The following INSYN2B variants were observed in gnomAD, a reference collection of about 807,000 sequenced individuals.
INSYN2B encodes inhibitory synaptic factor family member 2B.
Under a neutral mutation model 41.2 loss-of-function variants are expected in INSYN2B, and 16 were observed. That is an observed-to-expected ratio of 0.39 (90% CI 0.26 to 0.59). The LOEUF is 0.59. INSYN2B is among the 20% of genes least tolerant of loss of function. The pLI, the probability that INSYN2B is intolerant of heterozygous loss-of-function variation, is 0.57. For synonymous variants in INSYN2B, 245 were observed against 244.4 expected (o/e 1.00, Z -0.02); for missense variants, 608 against 646.4 (o/e 0.94, Z 0.64).
At chr5:169,942,866 C>T (rs1218102273) in intron 1 of INSYN2B, among the ~76,000 whole-genome samples, 5 of 152,164 alleles carry the variant, frequency 3.3e-5, no homozygotes, top group East Asian at 1.9e-4. Context: ...TGTGTGTGCT[C>T]GCCTCTGAAC....
At position 169,926,554 on chromosome 5, in the gene INSYN2B, G is replaced by A. The variant is rs200469392; in HGVS notation, c.-918-41738C>T. 1.9e-4 allele frequency among the ~76,000 whole-genome samples: 29 copies of A among 152,294 alleles called. No homozygotes were observed. The East Asian group carries it at 4.8e-3, about 25-fold the overall frequency. On this transcript the variant is annotated intron_variant, in intron 1 of 3. Coordinates refer to ENST00000377365, the MANE Select transcript of INSYN2B (RefSeq NM_001129891.3). ...TGAATCTGGGTGCCGCATGAGGCTGGAAGGTGGGGGCAGTGATGTGGCACA... is the reference window on the plus strand; with the variant it reads ...TGAATCTGGGTGCCGCATGAGGCTGAAAGGTGGGGGCAGTGATGTGGCACA...
intron 1 of INSYN2B, among the ~76,000 whole-genome samples, chr5:169,919,943 C>T (rs1775078522): frequency 6.6e-6 from 1 of 152,150 alleles, no homozygotes; most frequent in Non-Finnish European, 1.5e-5. Flanking sequence ...TGAAATTATG[C>T]CAAGTAACTA....
chr5:169,910,248 G>A (rs1405551481), intron 1 of INSYN2B, among the ~76,000 whole-genome samples: 1 of 152,116 alleles, frequency 6.6e-6, no homozygotes, highest in South Asian at 2.1e-4. Context: ...GTTAGAAGTG[G>A]CCATCTGAGA....
At chr5:169,972,613 T>C (rs1777561214) in intron 1 of INSYN2B, among the ~76,000 whole-genome samples, 2 of 110,166 alleles carry the variant, frequency 1.8e-5, no homozygotes, top group South Asian at 4.7e-4. Flanking sequence ...GATAGATAGA[T>C]AGATAGATAG....
intron 1 of INSYN2B, among the ~76,000 whole-genome samples, chr5:169,926,208 T>C (rs1365982343): frequency 6.6e-6 from 1 of 152,188 alleles, no homozygotes; most frequent in South Asian, 2.1e-4. Context: ...GCAGGCCCAG[T>C]GCCTGACTTG....
intron 3 of INSYN2B, among the ~76,000 whole-genome samples, chr5:169,878,152 G>A (rs1772436418): frequency 6.6e-6 from 1 of 152,144 alleles, no homozygotes; most frequent in Non-Finnish European, 1.5e-5. Flanking sequence ...TGGAAAAGTA[G>A]AGAAGGGAGT....
rs76426752 is a variant in INSYN2B, at chr5:169,936,282, C to T, written c.-919+43995G>A. Among the ~76,000 whole-genome samples, 186 of 152,292 alleles carry T rather than the reference C, an allele frequency of 1.2e-3. 7 individuals carry two copies. In the East Asian group the frequency reaches 0.034, roughly 28 times the overall value. On this transcript the variant is annotated intron_variant, in intron 1 of 3. Coordinates refer to ENST00000377365, the MANE Select transcript of INSYN2B (RefSeq NM_001129891.3). ...AGACAAGATAATGTCCGTGCTTCAACGACAGAGATGGGGCTAGGCTGCAGC... is the reference window on the plus strand; with the variant it reads ...AGACAAGATAATGTCCGTGCTTCAATGACAGAGATGGGGCTAGGCTGCAGC...
chr5:169,893,298 G>T (rs2113547890), intron 1 of INSYN2B, among the ~76,000 whole-genome samples: 1 of 152,236 alleles, frequency 6.6e-6, no homozygotes, highest in Non-Finnish European at 1.5e-5. Flanking sequence ...TTCTCCAGGG[G>T]AAAGCCTTTA....
chr5:169,945,148 C>T (rs1261963134), intron 1 of INSYN2B, among the ~76,000 whole-genome samples: 3 of 152,206 alleles, frequency 2.0e-5, no homozygotes, highest in African/African-American at 4.8e-5. Context: ...AATCCTCTGA[C>T]ATGGTTAAAA....
intron 1 of INSYN2B, among the ~76,000 whole-genome samples, chr5:169,921,146 A>G (rs1281476931): frequency 2.6e-5 from 4 of 152,146 alleles, no homozygotes; most frequent in African/African-American, 4.8e-5. Flanking sequence ...AATGAATGCA[A>G]TGTTAGCCTG....
At chr5:169,962,562 G>A (rs111994398) in intron 1 of INSYN2B, among the ~76,000 whole-genome samples, 3 of 152,182 alleles carry the variant, frequency 2.0e-5, no homozygotes, top group Admixed American at 2.0e-4. Flanking sequence ...TCTATCACTA[G>A]ATCTGCAAAT....
chr5:169,954,483 A>G (rs2113732066), intron 1 of INSYN2B, among the ~76,000 whole-genome samples: 2 of 152,376 alleles, frequency 1.3e-5, no homozygotes, highest in East Asian at 3.9e-4. Flanking sequence ...GAAGGCAGTC[A>G]GGCAGGGACC....
At chr5:169,901,246 GGT>G (rs1773907545) in intron 1 of INSYN2B, among the ~76,000 whole-genome samples, 1 of 152,162 alleles carries the variant, frequency 6.6e-6, no homozygotes, top group Admixed American at 6.5e-5. Flanking sequence ...ATGCAAGAAA[GGT>G]ATTTGGCCTT....
intron 1 of INSYN2B, among the ~76,000 whole-genome samples, chr5:169,906,523 G>A (rs1000189600): frequency 6.6e-6 from 1 of 151,978 alleles, no homozygotes; most frequent in Admixed American, 6.6e-5. Context: ...GTAGAGACAG[G>A]GTCTCCCTAT....
intron 1 of INSYN2B, among the ~76,000 whole-genome samples, chr5:169,919,170 GT>G (rs770842612): frequency 7.9e-5 from 12 of 152,114 alleles, no homozygotes; most frequent in Non-Finnish European, 1.5e-4. Flanking sequence ...TGTTCCAGAG[GT>G]GATGTTGCTC....
intron 3 of INSYN2B, among the ~76,000 whole-genome samples, chr5:169,866,579 G>A (rs1416111114): frequency 6.6e-6 from 1 of 152,200 alleles, no homozygotes; most frequent in Non-Finnish European, 1.5e-5. Flanking sequence ...GCTGAGGAAG[G>A]AATGGTAGGC....
At chr5:169,931,710 T>C (rs259893) in intron 1 of INSYN2B, among the ~76,000 whole-genome samples, 16,462 of 152,206 alleles carry the variant, frequency 0.11, 1,044 homozygotes, top group African/African-American at 0.19. Flanking sequence ...GTGAAGTTCC[T>C]AGCACAGTAG....
At chr5:169,952,818 A>C (rs960745457) in intron 1 of INSYN2B, among the ~76,000 whole-genome samples, 5 of 152,188 alleles carry the variant, frequency 3.3e-5, no homozygotes, top group Non-Finnish European at 7.3e-5. Flanking sequence ...AAGCCACCAG[A>C]ATACATAAGT....
Position 169,980,312 on chromosome 5 carries a change from C to T in INSYN2B, c.-954G>A, listed in dbSNP as rs1777895104. ...TGGAATTACCTGCAGAGGATGGTCC[C>T]CCTTCCTTGCACAATGAGCCAGGCT... On this transcript the variant is annotated 5_prime_UTR_variant, in exon 1 of 4. Coordinates refer to ENST00000377365, the MANE Select transcript of INSYN2B (RefSeq NM_001129891.3). 1 of 152,202 alleles carries T rather than the reference C, an allele frequency of 6.6e-6. No individual in the cohort carries two copies. Among genetic ancestry groups the T allele is most frequent in the Non-Finnish European group, 1.5e-5 (1 of 68,036 alleles). The allele number at this position is 152,202 out of a possible 1,614,324, so 9.4% of individuals were successfully genotyped here. A position where few individuals can be genotyped will look rare whatever the true frequency, so the allele number is the denominator to read the frequency against.
Sources: gnomAD v4.1 joint callset for allele counts (sites outside exome capture counted in the v4.1 genomes callset) on GRCh38, gnomAD v4.1.1 for gene constraint, MANE v1.5 for transcripts, NCBI Gene and HGNC (gene_info 2026-07-23, HGNC 2026-07-21) for gene names.